Variants in BICRA observed in about 807,000 individuals in gnomAD.
BICRA encodes BRD4 interacting chromatin remodeling complex associated protein.
Under a neutral mutation model 96.9 loss-of-function variants are expected in BICRA, and 31 were observed. The observed-to-expected ratio is 0.32, with a 90% CI of 0.24 to 0.43. The LOEUF is 0.43. Ranked by LOEUF, BICRA falls within the 20% of genes least tolerant of loss-of-function variation. The pLI, the probability that BICRA is intolerant of heterozygous loss-of-function variation, is 1.00. For synonymous variants in BICRA, 1,350 were observed against 1,071.8 expected (o/e 1.26, Z -5.07); for missense variants, 2,283 against 2,190.3 (o/e 1.04, Z -0.84).
At position 47,699,167 on chromosome 19, in the gene BICRA, C is replaced by G; in HGVS notation, c.3492+108C>G. The G allele has an allele frequency of 1.0e-6, 1 of 952,582 alleles. No homozygotes were observed. Among genetic ancestry groups the G allele is most frequent in the South Asian group, 1.4e-5 (1 of 71,942 alleles). The allele number at this position is 952,582 out of a possible 1,614,324, so 59.0% of individuals were successfully genotyped here. On this transcript the variant is annotated intron_variant, in intron 13 of 14. Coordinates refer to ENST00000594866, the MANE Select transcript of BICRA (RefSeq NM_001394372.1). The surrounding 1 kb of genome is among the most constrained non-coding windows in gnomAD (Gnocchi z 5.0). ...TGGAGCCTCCCGCCCCTCCTAGCCC[C>G]GGGAGGGAGGTTGGGAGGGAGGCGG...
intron 1 of BICRA, among the ~76,000 whole-genome samples, chr19:47,651,226 G>GAATAAAAGCTCACCTGGAATAAAA: frequency 6.6e-6 from 1 of 152,134 alleles, no homozygotes; most frequent in South Asian, 2.1e-4. Flanking sequence ...CTCAGCCCTG[G>GAATAAAAGCTCACCTGGAATAAAA]GCTCACCTGG....
At chr19:47,667,096 G>A (rs1056297085) in intron 1 of BICRA, among the ~76,000 whole-genome samples, 7 of 149,040 alleles carry the variant, frequency 4.7e-5, no homozygotes, top group African/African-American at 1.5e-4. Flanking sequence ...TCGGCTCACT[G>A]CAACCTCCGC....
chr19:47,669,481 T>C (rs1446070140), intron 1 of BICRA, among the ~76,000 whole-genome samples: 1 of 152,054 alleles, frequency 6.6e-6, no homozygotes, highest in East Asian at 1.9e-4. Context: ...CTGTATTTTG[T>C]TATACTGAAG....
chr19:47,611,327 G>A (rs1047761754), intron 1 of BICRA, among the ~76,000 whole-genome samples: 1 of 152,132 alleles, frequency 6.6e-6, no homozygotes, highest in Non-Finnish European at 1.5e-5. Flanking sequence ...CTCGAAGTTG[G>A]GCTGAGGGCA....
chr19:47,683,271 C>T (rs879381857), intron 7 of BICRA, among the ~76,000 whole-genome samples: 13 of 151,576 alleles, frequency 8.6e-5, no homozygotes, highest in Non-Finnish European at 1.6e-4. Flanking sequence ...TGCCTTTTTT[C>T]CCCCGCCCCC....
In BICRA at chr19:47,624,475, ACAT is replaced by A. The variant is rs200496503; in HGVS notation, c.-108+15311_-108+15313del. Among the ~76,000 whole-genome samples, 936 of 152,330 alleles carry A rather than the reference ACAT, an allele frequency of 6.1e-3. 9 individuals are homozygous for A. The highest frequency in any genetic ancestry group is 0.021 in the African/African-American group (873 of 41,576). On this transcript the variant is annotated intron_variant, in intron 1 of 14. Transcript: ENST00000594866. ...ACTGCAATCTGTTAAGTGTGCAATAACATCATGTCTAAAAAAACCAGTGTACAT... is the reference window on the plus strand; with the variant it reads ...ACTGCAATCTGTTAAGTGTGCAATAACATGTCTAAAAAAACCAGTGTACAT...
chr19:47,648,675 T>TG (rs1555786575), intron 1 of BICRA, among the ~76,000 whole-genome samples: 1 of 149,030 alleles, frequency 6.7e-6, no homozygotes, highest in Admixed American at 6.7e-5. Flanking sequence ...AGTTTTTTTT[T>TG]TTTGTTTGTT....
At chr19:47,625,286 C>G (rs1282897983) in intron 1 of BICRA, among the ~76,000 whole-genome samples, 1 of 149,506 alleles carries the variant, frequency 6.7e-6, no homozygotes, top group Non-Finnish European at 1.5e-5. Context: ...AGGTGTGAGC[C>G]ACCAACCTGG....
intron 7 of BICRA, among the ~76,000 whole-genome samples, chr19:47,689,568 C>T (rs188429901): frequency 3.1e-4 from 47 of 151,988 alleles, no homozygotes; most frequent in African/African-American, 1.0e-3. Flanking sequence ...CACACCATCC[C>T]GCCCTGCTAA....
chr19:47,637,221 G>A (rs1972312933), intron 1 of BICRA, among the ~76,000 whole-genome samples: 1 of 151,892 alleles, frequency 6.6e-6, no homozygotes, highest in Non-Finnish European at 1.5e-5. Context: ...CCGGGTTCAC[G>A]CCATCCTCCT....
At chr19:47,615,779 G>GA (rs1323932642) in intron 1 of BICRA, 15 of 152,276 alleles carry the variant, frequency 9.9e-5, no homozygotes, top group Non-Finnish European at 1.8e-4. Flanking sequence ...TAATTGCAGT[G>GA]TGACCCTGGG....
rs190653773 is a variant in BICRA at position 47,674,461 on chromosome 19, A to G, written c.84+699A>G. Among the ~76,000 whole-genome samples the G allele has an allele frequency of 5.3e-5, 8 of 152,272 alleles. No homozygotes were observed. The East Asian group carries it at 1.5e-3, about 29-fold the overall frequency. On this transcript the variant is annotated intron_variant, in intron 4 of 14. Transcript: ENST00000594866. The stretch of plus-strand genomic sequence containing the variant: ...AATGGGGAAAAGTAGAAGTCTGTTG[A>G]GCTCTGAGCAGCTGTATTAGTATCT...
intron 1 of BICRA, among the ~76,000 whole-genome samples, chr19:47,646,729 A>G (rs1972465198): frequency 6.6e-6 from 1 of 152,170 alleles, no homozygotes; most frequent in Non-Finnish European, 1.5e-5. Flanking sequence ...AAATATGCTC[A>G]TTTCATCCAG....
In BICRA at chr19:47,681,891, C is replaced by G; in HGVS notation, c.2107-85C>G. ...ACCCCATTCTCTGGAACCCTGGGAGCGTCAATAGGGGCAGGGGTCTCGGGT... is the reference window on the plus strand; with the variant it reads ...ACCCCATTCTCTGGAACCCTGGGAGGGTCAATAGGGGCAGGGGTCTCGGGT... On this transcript the variant is annotated intron_variant, in intron 6 of 14. Transcript: ENST00000594866. 5 of 951,524 alleles carry G rather than the reference C, an allele frequency of 5.3e-6. No individual in the cohort carries two copies. The South Asian group carries it at 8.2e-5, about 16-fold the overall frequency. The allele number at this position is 951,524 out of a possible 1,614,324, so 58.9% of individuals were successfully genotyped here.
chr19:47,682,037 TAGTC>T lies in BICRA; in HGVS notation c.2171_2174del (p.Val724AlafsTer44). The T allele has an allele frequency of 6.4e-7, 1 of 1,563,090 alleles. No individual in the cohort carries two copies. The highest frequency in any genetic ancestry group is 8.7e-7 in the Non-Finnish European group (1 of 1,155,724). ...CACCTCTCCGTGCCTGCCTCGGTCA[TAGTC>T]AGCGCCCCGCCTCCCGCCCAAGACC... On this transcript the variant is annotated frameshift_variant, in exon 7 of 15. Transcript: ENST00000594866. LOFTEE classifies it high-confidence loss of function.
intron 1 of BICRA, among the ~76,000 whole-genome samples, chr19:47,650,725 G>A (rs917417523): frequency 6.6e-6 from 1 of 152,054 alleles, no homozygotes; most frequent in Non-Finnish European, 1.5e-5. Context: ...GCCCTGGATT[G>A]GGGTCATCTC....
chr19:47,614,354 C>T (rs775916830), intron 1 of BICRA, among the ~76,000 whole-genome samples: 7 of 152,172 alleles, frequency 4.6e-5, no homozygotes, highest in African/African-American at 7.2e-5. Context: ...TGGTGGCTCA[C>T]GCCTGTAATC....
At chr19:47,695,589 C>G (rs1472921743) in intron 10 of BICRA, 115 bp downstream of exon 10, 1 of 632,330 alleles carries the variant, frequency 1.6e-6, no homozygotes, top group Non-Finnish European at 2.9e-6. Context: ...GAAGCTGGGA[C>G]CATCAGGCAG....
intron 1 of BICRA, among the ~76,000 whole-genome samples, chr19:47,634,735 T>C (rs1331686705): frequency 6.6e-6 from 1 of 150,448 alleles, no homozygotes; most frequent in Non-Finnish European, 1.5e-5. Context: ...TCCTCAACTC[T>C]CTTCTCTCTC....
Sources: gnomAD v4.1 joint callset for allele counts (sites outside exome capture counted in the v4.1 genomes callset) on GRCh38, gnomAD v4.1.1 for gene constraint, Gnocchi (gnomAD v3.1) non-coding constraint, MANE v1.5 for transcripts, NCBI Gene and HGNC (gene_info 2026-07-23, HGNC 2026-07-21) for gene names.